Variants in RBFOX2 observed in about 807,000 individuals in gnomAD.
The protein encoded by RBFOX2 is RNA binding fox-1 homolog 2.
Under a neutral mutation model 49.1 loss-of-function variants are expected in RBFOX2, and 10 were observed. The observed-to-expected ratio is 0.20, with a 90% CI of 0.13 to 0.35. The LOEUF is 0.35. Among genes scored for constraint, RBFOX2 ranks in the 10% least tolerant of loss-of-function variants. The probability of loss-of-function intolerance (pLI) is 1.00; values close to 1 mark genes in which losing one functional copy is unlikely to be tolerated. For synonymous variants in RBFOX2, 183 were observed against 187.4 expected (o/e 0.98, Z 0.19); for missense variants, 323 against 486.9 (o/e 0.66, Z 3.17).
chr22:35,816,823 C>T (rs1256225289), intron 1 of RBFOX2, among the ~76,000 whole-genome samples: 2 of 152,178 alleles, frequency 1.3e-5, no homozygotes, highest in East Asian at 3.8e-4. Flanking sequence ...GCTTCAGTCT[C>T]AACAGTAAGA....
chr22:36,018,510 C>T lies in RBFOX2; in HGVS notation c.186+9730G>A, dbSNP rs532316302. 9.2e-5 allele frequency among the ~76,000 whole-genome samples: 14 copies of T among 152,248 alleles called. No individual in the cohort carries two copies. In the South Asian group the frequency reaches 2.5e-3, roughly 27 times the overall value. On this transcript the variant is annotated intron_variant, in intron 1 of 13. Coordinates refer to the RBFOX2 transcript ENST00000438146. ...CTTGGAGGTGGAATGTGGAAAGAGA[C>T]GGAGCTTGAAAGTTACGCAGAAGTC...
intron 1 of RBFOX2, among the ~76,000 whole-genome samples, chr22:35,823,794 A>C (rs1405559028): frequency 1.3e-5 from 2 of 152,256 alleles, no homozygotes; most frequent in Non-Finnish European, 2.9e-5. Flanking sequence ...CTGTATACTT[A>C]TGCTTTAATA....
intron 1 of RBFOX2, among the ~76,000 whole-genome samples, chr22:35,953,488 T>C (rs1337318392): frequency 2.6e-5 from 4 of 152,096 alleles, no homozygotes; most frequent in South Asian, 2.1e-4. Context: ...AGATTGGTGG[T>C]TGCCAGCAGG....
intron 1 of RBFOX2, among the ~76,000 whole-genome samples, chr22:35,915,901 T>C (rs2050354266): frequency 1.3e-5 from 2 of 152,184 alleles, no homozygotes; most frequent in Admixed American, 1.3e-4. Context: ...TCCTCAATAC[T>C]GAGCACAAGC....
intron 1 of RBFOX2, among the ~76,000 whole-genome samples, chr22:35,970,077 TA>T (rs1384726934): frequency 1.3e-5 from 2 of 152,194 alleles, no homozygotes; most frequent in African/African-American, 4.8e-5. Context: ...TGGGGGATTT[TA>T]AAAAATCACA....
At chr22:35,891,868 T>C (rs1264877904) in intron 1 of RBFOX2, among the ~76,000 whole-genome samples, 1 of 151,642 alleles carries the variant, frequency 6.6e-6, no homozygotes, top group African/African-American at 2.4e-5. Context: ...AAAAAAAGTT[T>C]ACAACAAATA....
chr22:35,918,960 C>T (rs1488323090), intron 1 of RBFOX2, among the ~76,000 whole-genome samples: 1 of 151,790 alleles, frequency 6.6e-6, no homozygotes, highest in Non-Finnish European at 1.5e-5. Flanking sequence ...CTTTCTTTTC[C>T]CAACATAAAA....
At chr22:35,961,887 A>G (rs2149954318), upstream of RBFOX2, among the ~76,000 whole-genome samples, 1 of 152,188 alleles carries the variant, frequency 6.6e-6, no homozygotes, top group Middle Eastern at 3.4e-3. Flanking sequence ...AACCCCACCC[A>G]AAAGTGGCTG....
intron 1 of RBFOX2, among the ~76,000 whole-genome samples, chr22:35,931,698 C>G (rs1236513636): frequency 6.6e-6 from 1 of 152,136 alleles, no homozygotes; most frequent in African/African-American, 2.4e-5. Flanking sequence ...CCACTTGAGC[C>G]TGGGAGGTGG....
At chr22:35,828,594 G>A (rs1956219000) in intron 1 of RBFOX2, among the ~76,000 whole-genome samples, 1 of 152,182 alleles carries the variant, frequency 6.6e-6, no homozygotes, top group South Asian at 2.1e-4. Context: ...AGTACTAGGA[G>A]CTCACACAGT....
chr22:36,018,304 C>T (rs1279329574), intron 1 of RBFOX2, among the ~76,000 whole-genome samples: 1 of 152,118 alleles, frequency 6.6e-6, no homozygotes, highest in Non-Finnish European at 1.5e-5. Context: ...GGAATAGTCA[C>T]AAAAGGCATC....
chr22:35,895,094 T>TTC (rs376377053), intron 1 of RBFOX2, among the ~76,000 whole-genome samples: 45 of 150,330 alleles, frequency 3.0e-4, no homozygotes, highest in Non-Finnish European at 4.9e-4. Flanking sequence ...CTCTCTCTCT[T>TTC]TCTCTCTCTC....
At chr22:35,944,834 G>A (rs1603451797) in intron 1 of RBFOX2, among the ~76,000 whole-genome samples, 1 of 152,210 alleles carries the variant, frequency 6.6e-6, no homozygotes, top group East Asian at 1.9e-4. Context: ...CCGGCACTTT[G>A]GGAGGGTGAG....
Position 35,985,898 on chromosome 22 carries a change from A to AGATG in RBFOX2, c.186+42338_186+42341dup, listed in dbSNP as rs1198074535. 9.5e-3 allele frequency among the ~76,000 whole-genome samples: 1,290 copies of AGATG among 136,110 alleles called. 44 individuals are homozygous for AGATG. The highest frequency in any genetic ancestry group is 0.059 in the Admixed American group (769 of 13,006). The allele number at this position is 136,110 out of a possible 152,430, so 89.3% of individuals were successfully genotyped here. On this transcript the variant is annotated intron_variant, in intron 1 of 13. Transcript: ENST00000438146. ...TCCATCTCTAGATAGATAGATAGAT[A>AGATG]GATGGATAGATAGATAGATAGATAG...
chr22:35,949,552 TCTTA>T (rs1313295889), intron 1 of RBFOX2, among the ~76,000 whole-genome samples: 1 of 152,250 alleles, frequency 6.6e-6, no homozygotes, highest in Non-Finnish European at 1.5e-5. Flanking sequence ...CTCTCCGTAT[TCTTA>T]CTTACACTTG....
Position 35,850,466 on chromosome 22 carries a change from G to A in RBFOX2, c.-33-40462C>T, listed in dbSNP as rs1450518072. On this transcript the variant is annotated intron_variant, in intron 1 of 13. Transcript: ENST00000359369. ...AAGAAGAAAGTGGCCCCAACTCTGA[G>A]GCAACATGAGTCCACTGGAGGCCTC... 2.0e-5 allele frequency among the ~76,000 whole-genome samples: 3 copies of A among 152,126 alleles called. No homozygotes were observed. In the East Asian group the frequency reaches 5.8e-4, roughly 29 times the overall value.
intron 1 of RBFOX2, among the ~76,000 whole-genome samples, chr22:35,812,636 G>A (rs537164480): frequency 2.0e-5 from 3 of 152,270 alleles, no homozygotes; most frequent in Admixed American, 1.3e-4. Context: ...AGCACCAAAG[G>A]TCTTATGCCC....
chr22:35,895,703 C>T (rs2047763142), intron 1 of RBFOX2, among the ~76,000 whole-genome samples: 1 of 152,028 alleles, frequency 6.6e-6, no homozygotes, highest in African/African-American at 2.4e-5. Flanking sequence ...CTAAGGTGCA[C>T]GGCTTGGGTT....
chr22:35,768,569 A>G (rs189866109), intron 4 of RBFOX2, among the ~76,000 whole-genome samples: 1 of 152,346 alleles, frequency 6.6e-6, no homozygotes, highest in African/African-American at 2.4e-5. Context: ...ATTAACAGCA[A>G]TGTAACAATA....
Sources: allele counts gnomAD v4.1 joint callset (sites outside exome capture counted in the v4.1 genomes callset), GRCh38; gene constraint gnomAD v4.1.1; transcripts MANE v1.5; gene names NCBI Gene and HGNC (gene_info 2026-07-23, HGNC 2026-07-21).